Variants in C2orf72 observed in about 807,000 individuals in gnomAD.
C2orf72 encodes the protein uncharacterized protein C2orf72.
A neutral mutation model predicts 14.4 loss-of-function variants in C2orf72; 16 were observed. The observed-to-expected ratio is 1.11, with a 90% CI of 0.75 to 1.69. C2orf72 has a LOEUF of 1.69. Ranked by LOEUF, C2orf72 falls within the 40% of genes most tolerant of loss-of-function variation. C2orf72 has a pLI of 0.00. For synonymous variants in C2orf72, 168 were observed against 176.8 expected (o/e 0.95, Z 0.40); for missense variants, 371 against 358.3 (o/e 1.04, Z -0.29).
rs1693440305 is a variant in C2orf72, at chr2:231,047,918, T to G, written c.*897T>G. 6.6e-6 allele frequency: 1 copy of G among 152,378 alleles called. No homozygotes were observed. Among genetic ancestry groups the G allele is most frequent in the South Asian group, 2.1e-4 (1 of 4,832 alleles). 9.4% of individuals were successfully genotyped at this position (152,378 alleles called of 1,614,324 possible). On this transcript the variant is annotated 3_prime_UTR_variant, in exon 3 of 3. Transcript: ENST00000373640. ...TTTCTTTCTCATGTTGACATCGACT[T>G]TCTGTGCCAAGTCCTTTGGGTATAA...
chr2:231,045,809 C>T (rs920805174), intron 2 of C2orf72, among the ~76,000 whole-genome samples: 1 of 152,098 alleles, frequency 6.6e-6, no homozygotes, highest in African/African-American at 2.4e-5. Context: ...TGAGCCACGG[C>T]GCCCGGCCAG....
Position 231,045,306 on chromosome 2 carries a change from C to G in C2orf72, c.749-1576C>G, listed in dbSNP as rs917057506. Among the ~76,000 whole-genome samples, 7 of 151,710 alleles carry G rather than the reference C, an allele frequency of 4.6e-5. No individual in the cohort carries two copies. In the South Asian group the frequency reaches 1.0e-3, roughly 23 times the overall value. ...TTATATATATAGAGAGAGAGAGAGA[C>G]AGTACAGTAACATAGTCATTTCTTA... is the stretch of plus-strand genomic sequence containing the variant. On this transcript the variant is annotated intron_variant, in intron 2 of 2. Transcript: ENST00000373640.
Position 231,038,128 on chromosome 2 carries a change from TC to T in C2orf72, c.566del (p.Pro189ArgfsTer37). Reference sequence around the variant, plus strand: ...CAGGCGGCCGCCTACTGCCCCGGCCTCCCGGCCTCCTGCCTGGCCGTCCAGG... The same window carrying T: ...CAGGCGGCCGCCTACTGCCCCGGCCTCCGGCCTCCTGCCTGGCCGTCCAGG... Reference protein sequence around the residue: ...PVQAAAYCPGLPASCLAVQAA... With the variant: ...PVQAAAYCPGXPASCLAVQAA... On this transcript the variant is annotated frameshift_variant, in exon 1 of 3. Transcript: ENST00000373640. LOFTEE classifies it high-confidence loss of function. 1.8e-6 allele frequency: 2 copies of T among 1,136,410 alleles called. No homozygotes were observed. The highest frequency in any genetic ancestry group is 2.2e-6 in the Non-Finnish European group (2 of 928,594). 70.4% of individuals were successfully genotyped at this position (1,136,410 alleles called of 1,614,324 possible). A position where few individuals can be genotyped will look rare whatever the true frequency, so the allele number is the denominator to read the frequency against.
At chr2:231,041,120 T>A in intron 1 of C2orf72, 176 bp from the exon 2 acceptor site, 1 of 536,998 alleles carries the variant, frequency 1.9e-6, no homozygotes, top group Non-Finnish European at 3.3e-6. Context: ...CAATCATTTT[T>A]AAAGTTCGGT....
In C2orf72 at chr2:231,037,552, G is replaced by A; in HGVS notation, c.-14G>A. 1 of 1,008,290 alleles carries A rather than the reference G, an allele frequency of 9.9e-7. No homozygotes were observed. The highest frequency in any genetic ancestry group is 6.0e-5 in the Admixed American group (1 of 16,682). 62.5% of individuals were successfully genotyped at this position (1,008,290 alleles called of 1,614,324 possible). ...CCGGGCCGCGGCGGCCGCAGAGGGCGGGCGGCGGCCAGCATGGAGCGCGAG... is the reference window on the plus strand; with the variant it reads ...CCGGGCCGCGGCGGCCGCAGAGGGCAGGCGGCGGCCAGCATGGAGCGCGAG... On this transcript the variant is annotated 5_prime_UTR_variant, in exon 1 of 3. Transcript: ENST00000373640.
At chr2:231,041,478 C>A (rs1693339167) in intron 2 of C2orf72, 69 bp downstream of exon 2, 1 of 1,224,082 alleles carries the variant, frequency 8.2e-7, no homozygotes, top group Non-Finnish European at 1.2e-6. Context: ...GTCACGTGAA[C>A]TTGGGGACCT....
At chr2:231,041,643 G>A (rs1210213166) in intron 2 of C2orf72, among the ~76,000 whole-genome samples, 2 of 152,104 alleles carry the variant, frequency 1.3e-5, no homozygotes, top group South Asian at 2.1e-4. Flanking sequence ...AGGCAGTATG[G>A]GGAGGGCTGT....
chr2:231,042,225 C>T, intron 2 of C2orf72, among the ~76,000 whole-genome samples: 1 of 152,082 alleles, frequency 6.6e-6, no homozygotes, highest in East Asian at 1.9e-4. Flanking sequence ...AGACACCCCT[C>T]CATGTCAATG....
chr2:231,037,614 G>A lies in C2orf72; in HGVS notation c.49G>A (p.Glu17Lys), dbSNP rs1693269609. 9.1e-7 allele frequency: 1 copy of A among 1,096,922 alleles called. No individual in the cohort carries two copies. The highest frequency in any genetic ancestry group is 1.1e-6 in the Non-Finnish European group (1 of 899,098). 67.9% of individuals were successfully genotyped at this position (1,096,922 alleles called of 1,614,324 possible). The change falls in exon 1 of 3, where the codon GAG (glutamate) becomes AAG (lysine). Residue 17 changes from glutamate to lysine, a missense_variant. Physicochemically the swap from Glu to Lys is moderately conservative, Grantham distance 56. Around this residue, in one of 3 missense-constraint regions of C2orf72, gnomAD observed 214 missense variants for 178.7 expected, o/e 1.20. Coordinates refer to ENST00000373640, the MANE Select transcript of C2orf72 (RefSeq NM_001144994.2). ...GGCGGCCCGGCTTGCGCGCCCTGCC[G>A]AGCCGCCCTTCCAGGCGTTGGTGGA... is the stretch of plus-strand genomic sequence containing the variant. Reference protein sequence around the residue: ...ALAARLARPAEPPFQALVEAA... With the variant: ...ALAARLARPAKPPFQALVEAA...
chr2:231,037,784 C>T lies in C2orf72; in HGVS notation c.219C>T (p.Gly73=), dbSNP rs1157436264. ...AAKPGGAAAE[G]AGPGAARGAQ... is the part of the protein sequence containing the mutation. ...AGCCGGGCGGCGCGGCGGCAGAGGG[C>T]GCGGGGCCCGGGGCGGCGCGCGGGG... Residue 73 remains glycine (G), a synonymous_variant, in exon 1 of 3, where the codon GGC becomes GGT. Transcript: ENST00000373640. 1 of 985,702 alleles carries T rather than the reference C, an allele frequency of 1.0e-6. No homozygotes were observed. The highest frequency in any genetic ancestry group is 1.2e-6 in the Non-Finnish European group (1 of 831,768). 61.1% of individuals were successfully genotyped at this position (985,702 alleles called of 1,614,324 possible). A position where few individuals can be genotyped will look rare whatever the true frequency, so the allele number is the denominator to read the frequency against.
At chr2:231,044,666 A>ATTTTTTTTTTTTTTTTTTTTTT in intron 2 of C2orf72, among the ~76,000 whole-genome samples, 1 of 115,096 alleles carries the variant, frequency 8.7e-6, no homozygotes, top group Non-Finnish European at 1.7e-5. Flanking sequence ...TCCTATTTTA[A>ATTTTTTTTTTTTTTTTTTTTTT]TTTTTTTTTT....
At chr2:231,042,774 G>A (rs1693360849) in intron 2 of C2orf72, among the ~76,000 whole-genome samples, 1 of 152,246 alleles carries the variant, frequency 6.6e-6, no homozygotes, top group South Asian at 2.1e-4. Flanking sequence ...GGAGGCCAAG[G>A]TGGGCAGATG....
intron 1 of C2orf72, among the ~76,000 whole-genome samples, chr2:231,038,428 G>A (rs1693290894): frequency 6.7e-6 from 1 of 149,292 alleles, no homozygotes. Context: ...AGGGGGCGTG[G>A]GAAAGCTGAG....
rs566506304 is a variant in C2orf72 at position 231,041,365 on chromosome 2, G to A, written c.704G>A (p.Arg235Gln). 21 of 1,551,522 alleles carry A rather than the reference G, an allele frequency of 1.4e-5. No individual in the cohort carries two copies. In the South Asian group the frequency reaches 1.7e-4, roughly 12 times the overall value. ...TGCTTTTCCTGGGGTCCCTGGAGCC[G>A]GAGGAAGAACCAGGATGTTGCTGCC... ...LACFSWGPWS[R>Q]RKNQDVAACR... The change falls in exon 2 of 3, where the codon CGG becomes CAG. Residue 235 changes from arginine to glutamine, a missense_variant. Arg to Gln is a conservative substitution (Grantham distance 43). Transcript: ENST00000373640.
intron 2 of C2orf72, among the ~76,000 whole-genome samples, chr2:231,043,739 T>C (rs1369611793): frequency 2.0e-5 from 3 of 152,242 alleles, no homozygotes; most frequent in Non-Finnish European, 2.9e-5. Context: ...TAGAAGTGAA[T>C]GTATTAAAAT....
At position 231,037,523 on chromosome 2, in the gene C2orf72, G is replaced by A; in HGVS notation, c.-43G>A. The A allele has an allele frequency of 1.0e-6, 1 of 996,976 alleles. No individual in the cohort carries two copies. The highest frequency in any genetic ancestry group is 4.5e-5 in the South Asian group (1 of 22,058). 61.8% of individuals were successfully genotyped at this position (996,976 alleles called of 1,614,324 possible). A position where few individuals can be genotyped will look rare whatever the true frequency, so the allele number is the denominator to read the frequency against. On this transcript the variant is annotated 5_prime_UTR_variant, in exon 1 of 3. Coordinates refer to ENST00000373640, the MANE Select transcript of C2orf72 (RefSeq NM_001144994.2). ...CCGCCCCGAGAGGCGGGCAGCGGGT[G>A]CGCCCGGGCCGCGGCGGCCGCAGAG...
At chr2:231,044,962 T>TATATAC (rs985747494) in intron 2 of C2orf72, among the ~76,000 whole-genome samples, 274 of 146,432 alleles carry the variant, frequency 1.9e-3, no homozygotes, top group African/African-American at 3.9e-3. Context: ...TATATATATA[T>TATATAC]ACACACACAC....
intron 2 of C2orf72, among the ~76,000 whole-genome samples, chr2:231,046,100 A>T (rs79251304): frequency 0.044 from 6,719 of 152,312 alleles, 225 homozygotes; most frequent in Non-Finnish European, 0.066. Context: ...CAAGACCAGC[A>T]TGAGTGACAT....
Position 231,037,774 on chromosome 2 carries a change from C to T in C2orf72, c.209C>T (p.Ala70Val). The change falls in exon 1 of 3, where the codon GCG becomes GTG. Residue 70 changes from alanine (A) to valine (V), a missense_variant. Ala to Val is a moderately conservative substitution (Grantham distance 64). Around this residue, in one of 3 missense-constraint regions of C2orf72, gnomAD observed 214 missense variants for 178.7 expected, o/e 1.20. Transcript: ENST00000373640. ...EPGAAKPGGA[A>V]AEGAGPGAAR... ...GGCGCGGCCAAGCCGGGCGGCGCGG[C>T]GGCAGAGGGCGCGGGGCCCGGGGCG... 1.0e-6 allele frequency: 1 copy of T among 989,460 alleles called. No homozygotes were observed. Among genetic ancestry groups the T allele is most frequent in the Non-Finnish European group, 1.2e-6 (1 of 834,402 alleles). 61.3% of individuals were successfully genotyped at this position (989,460 alleles called of 1,614,324 possible). A position where few individuals can be genotyped will look rare whatever the true frequency, so the allele number is the denominator to read the frequency against.
Sources: gnomAD v4.1 joint callset for allele counts (sites outside exome capture counted in the v4.1 genomes callset) on GRCh38, gnomAD v4.1.1 for gene constraint, gnomAD v4.1.1 regional missense constraint, MANE v1.5 for transcripts, NCBI Gene and HGNC (gene_info 2026-07-23, HGNC 2026-07-21) for gene names.